CHCHD3: variants seen among roughly 807,000 people sequenced by gnomAD.
The protein encoded by CHCHD3 is coiled-coil-helix-coiled-coil-helix domain containing 3, also known as MICOS complex subunit MIC19.
In CHCHD3, 20 loss-of-function variants were observed where a neutral mutation model predicts 38.2. The observed-to-expected ratio is 0.52, with a 90% confidence interval of 0.37 to 0.76. The LOEUF is 0.76. Ranked by LOEUF, CHCHD3 falls within the 30% of genes least tolerant of loss-of-function variation. The pLI, the probability that CHCHD3 is intolerant of heterozygous loss-of-function variation, is 0.00. For missense variants in CHCHD3, 245 were observed against 279.2 expected (o/e 0.88, Z 0.87); for synonymous variants, 82 against 100.0 (o/e 0.82, Z 1.07).
At position 132,785,367 on chromosome 7, in the gene CHCHD3, G is replaced by A; in HGVS notation, c.*270C>T. The A allele has an allele frequency of 2.1e-6, 1 of 467,440 alleles. No individual in the cohort carries two copies. The highest frequency in any genetic ancestry group is 3.8e-6 in the Non-Finnish European group (1 of 262,814). The allele number at this position is 467,440 out of a possible 1,614,324, so 29.0% of individuals were successfully genotyped here. The stretch of plus-strand genomic sequence containing the variant: ...TGAATAGAAAGTACCAAAAGGTGGA[G>A]AGGGCTGCCCTTCTCTTTTAATCAT... On this transcript the variant is annotated 3_prime_UTR_variant, in exon 8 of 8. Transcript: ENST00000262570.
chr7:132,890,259 T>G (rs558546076), intron 4 of CHCHD3, among the ~76,000 whole-genome samples: 2 of 152,320 alleles, frequency 1.3e-5, no homozygotes, highest in South Asian at 2.1e-4. Flanking sequence ...GTTTACTTCC[T>G]TAAAGACTTG....
In CHCHD3 at chr7:132,845,689, T is replaced by C. The variant is rs573222045; in HGVS notation, c.454-7220A>G. On this transcript the variant is annotated intron_variant, in intron 5 of 7. Transcript: ENST00000262570. ...TGTGAATCTCTAAGATGAGAACTAC[T>C]GTTCATGATTCTCAAACTGATTTGC... 8.5e-5 allele frequency among the ~76,000 whole-genome samples: 13 copies of C among 152,348 alleles called. No homozygotes were observed. In the South Asian group the frequency reaches 2.7e-3, roughly 32 times the overall value.
chr7:133,017,199 G>A (rs1316904468), intron 3 of CHCHD3, among the ~76,000 whole-genome samples: 3 of 152,122 alleles, frequency 2.0e-5, no homozygotes, highest in African/African-American at 7.2e-5. Context: ...TGGGTTCCAT[G>A]TTGCACTCCC....
chr7:132,808,558 A>T (rs1048514383), intron 6 of CHCHD3, among the ~76,000 whole-genome samples: 1 of 152,156 alleles, frequency 6.6e-6, no homozygotes, highest in Non-Finnish European at 1.5e-5. Context: ...GAAGCCAGGG[A>T]CTACATCTGA....
intron 3 of CHCHD3, among the ~76,000 whole-genome samples, chr7:132,980,573 T>A (rs756851533): frequency 1.3e-5 from 2 of 152,208 alleles, no homozygotes; most frequent in Non-Finnish European, 2.9e-5. Context: ...ATTGGATAGC[T>A]TGCCTAAGCT....
intron 4 of CHCHD3, chr7:132,973,058 T>G: frequency 1.0e-6 from 1 of 985,424 alleles, no homozygotes; most frequent in Non-Finnish European, 1.2e-6. Context: ...AATCTCTTTT[T>G]ATGTCTTGCT....
intron 5 of CHCHD3, among the ~76,000 whole-genome samples, chr7:132,876,758 T>C (rs1451061905): frequency 6.6e-6 from 1 of 152,196 alleles, no homozygotes; most frequent in East Asian, 1.9e-4. Context: ...CATTAAATTA[T>C]AATTTCCATG....
chr7:132,859,691 C>A (rs1808433255), intron 5 of CHCHD3, among the ~76,000 whole-genome samples: 1 of 152,190 alleles, frequency 6.6e-6, no homozygotes, highest in African/African-American at 2.4e-5. Context: ...ACAACTCCTG[C>A]CTCCTTCCCC....
At chr7:132,879,496 A>G (rs751034218) in intron 5 of CHCHD3, among the ~76,000 whole-genome samples, 1 of 152,050 alleles carries the variant, frequency 6.6e-6, no homozygotes, top group African/African-American at 2.4e-5. Flanking sequence ...ACATTATCAA[A>G]GAGCTCAAGT....
intron 3 of CHCHD3, among the ~76,000 whole-genome samples, chr7:133,014,035 G>T (rs948527775): frequency 5.3e-5 from 8 of 152,078 alleles, no homozygotes; most frequent in African/African-American, 1.9e-4. Flanking sequence ...CACATTAGTG[G>T]TTTCAGTTGA....
intron 4 of CHCHD3, among the ~76,000 whole-genome samples, chr7:132,956,189 T>C (rs973336572): frequency 3.3e-5 from 5 of 152,218 alleles, no homozygotes; most frequent in African/African-American, 1.2e-4. Flanking sequence ...CTGAAGCCTG[T>C]TGGCCTGCCC....
intron 3 of CHCHD3, among the ~76,000 whole-genome samples, chr7:133,014,336 A>AG (rs1355750152): frequency 2.6e-5 from 4 of 152,020 alleles, no homozygotes; most frequent in Non-Finnish European, 5.9e-5. Context: ...ACTCAAAAAA[A>AG]AAAAAAAAAC....
At chr7:132,901,484 G>A (rs1304943184) in intron 4 of CHCHD3, among the ~76,000 whole-genome samples, 1 of 152,208 alleles carries the variant, frequency 6.6e-6, no homozygotes, top group East Asian at 1.9e-4. Context: ...GGCCACAGGA[G>A]GGAGGCAGGG....
rs536166643 is a variant in CHCHD3, at chr7:133,082,049, C to G, written c.-112G>C. 2.2e-5 allele frequency: 21 copies of G among 973,826 alleles called. No homozygotes were observed. The South Asian group carries it at 3.4e-4, about 16-fold the overall frequency. 60.3% of individuals were successfully genotyped at this position (973,826 alleles called of 1,614,324 possible). ...GGATTCTTTTCCCGCACAGCGGGAG[C>G]AAGGCCACGACCCCCAGAAGCAAGG... is the stretch of plus-strand genomic sequence containing the variant. On this transcript the variant is annotated 5_prime_UTR_variant, in exon 1 of 8. Transcript: ENST00000262570.
At chr7:132,803,146 C>G (rs980356473) in intron 6 of CHCHD3, among the ~76,000 whole-genome samples, 2 of 152,002 alleles carry the variant, frequency 1.3e-5, no homozygotes, top group African/African-American at 4.8e-5. Flanking sequence ...AAATCACAGC[C>G]CATAGAAGTA....
chr7:132,821,595 T>C (rs923913481), intron 6 of CHCHD3, among the ~76,000 whole-genome samples: 1 of 152,110 alleles, frequency 6.6e-6, no homozygotes, highest in African/African-American at 2.4e-5. Context: ...AAACTTGTAG[T>C]ATATTAAACA....
At chr7:132,986,105 C>T (rs1291902685) in intron 3 of CHCHD3, among the ~76,000 whole-genome samples, 1 of 149,794 alleles carries the variant, frequency 6.7e-6, no homozygotes, top group African/African-American at 2.5e-5. Context: ...TGACCTTACC[C>T]CCAACCCTGT....
chr7:132,976,341 C>A (rs751821142), intron 3 of CHCHD3, among the ~76,000 whole-genome samples: 11 of 152,180 alleles, frequency 7.2e-5, no homozygotes, highest in Non-Finnish European at 1.2e-4. Flanking sequence ...AATACTAATT[C>A]TATTAATGAA....
chr7:132,851,664 C>A (rs1808222035), intron 5 of CHCHD3, among the ~76,000 whole-genome samples: 1 of 152,160 alleles, frequency 6.6e-6, no homozygotes, highest in Admixed American at 6.5e-5. Context: ...TCTTGCAAGA[C>A]CTCTAGAGTA....
Sources: gnomAD v4.1 joint callset for allele counts (sites outside exome capture counted in the v4.1 genomes callset) on GRCh38, gnomAD v4.1.1 for gene constraint, MANE v1.5 for transcripts, NCBI Gene and HGNC (gene_info 2026-07-23, HGNC 2026-07-21) for gene names.